VIT: variants seen among roughly 807,000 people sequenced by gnomAD.
VIT encodes the protein vitrin.
Under a neutral mutation model 78.0 loss-of-function variants are expected in VIT, and 99 were observed. That is an observed-to-expected ratio of 1.27 (90% CI 1.08 to 1.50). VIT has a LOEUF of 1.50. Ranked by LOEUF, VIT falls within the 40% of genes most tolerant of loss-of-function variation. VIT has a pLI of 0.00. For synonymous variants in VIT, 374 were observed against 334.3 expected (o/e 1.12, Z -1.29); for missense variants, 1,126 against 875.3 (o/e 1.29, Z -3.61).
chr2:36,731,966 G>A (rs1322207115), intron 3 of VIT, among the ~76,000 whole-genome samples: 1 of 152,178 alleles, frequency 6.6e-6, no homozygotes, highest in Non-Finnish European at 1.5e-5. Context: ...ATTTCCTGTT[G>A]AAATGAGACC....
chr2:36,783,268 T>C, intron 10 of VIT, 72 bp from the exon 11 acceptor site: 2 of 1,500,598 alleles, frequency 1.3e-6, no homozygotes, highest in Non-Finnish European at 1.8e-6. Context: ...ATCCATTATG[T>C]CCCCTCCCAT....
chr2:36,711,379 C>T (rs1488924025), intron 1 of VIT, among the ~76,000 whole-genome samples: 1 of 152,036 alleles, frequency 6.6e-6, no homozygotes, highest in African/African-American at 2.4e-5. Context: ...AAGAAAAGTC[C>T]ATTTTGCTTT....
intron 15 of VIT, among the ~76,000 whole-genome samples, chr2:36,812,597 T>A (rs1212268634): frequency 6.6e-6 from 1 of 152,052 alleles, no homozygotes; most frequent in Non-Finnish European, 1.5e-5. Flanking sequence ...GCAGTCTTAT[T>A]TTACTCCTTC....
intron 13 of VIT, among the ~76,000 whole-genome samples, chr2:36,802,297 G>A (rs1666389066): frequency 6.6e-6 from 1 of 152,124 alleles, no homozygotes; most frequent in African/African-American, 2.4e-5. Flanking sequence ...TGAAAGATTG[G>A]CTTTTTGGGC....
intron 4 of VIT, among the ~76,000 whole-genome samples, chr2:36,747,158 A>T (rs982757171): frequency 3.3e-5 from 5 of 152,130 alleles, no homozygotes; most frequent in African/African-American, 1.2e-4. Flanking sequence ...CTGTGTTCCA[A>T]GAGTATGATT....
intron 2 of VIT, among the ~76,000 whole-genome samples, chr2:36,726,057 A>G (rs962283758): frequency 6.7e-6 from 1 of 149,466 alleles, no homozygotes; most frequent in Non-Finnish European, 1.5e-5. Context: ...TGACAGAGCG[A>G]GACTCTGTCT....
chr2:36,797,357 A>C (rs1665977946), intron 12 of VIT, among the ~76,000 whole-genome samples: 1 of 152,224 alleles, frequency 6.6e-6, no homozygotes, highest in Non-Finnish European at 1.5e-5. Context: ...CCAGGTAGGA[A>C]ACTCTGGCAA....
At chr2:36,728,180 C>A (rs919006373) in intron 2 of VIT, among the ~76,000 whole-genome samples, 2 of 152,138 alleles carry the variant, frequency 1.3e-5, no homozygotes, top group African/African-American at 4.8e-5. Flanking sequence ...ATCCACCCAC[C>A]CCTGCCTCCC....
chr2:36,698,502 A>G (rs761314457), intron 1 of VIT, among the ~76,000 whole-genome samples: 3 of 152,218 alleles, frequency 2.0e-5, no homozygotes, highest in Non-Finnish European at 4.4e-5. Flanking sequence ...ATTACCTTGG[A>G]AAACATATAT....
At chr2:36,765,648 C>T (rs770292646) in intron 6 of VIT, among the ~76,000 whole-genome samples, 12 of 152,136 alleles carry the variant, frequency 7.9e-5, no homozygotes, top group East Asian at 1.9e-4. Flanking sequence ...CATATGACGA[C>T]GGAGCAGAGA....
At chr2:36,762,011 C>T (rs1178427720) in intron 6 of VIT, among the ~76,000 whole-genome samples, 1 of 152,170 alleles carries the variant, frequency 6.6e-6, no homozygotes, top group Non-Finnish European at 1.5e-5. Flanking sequence ...TCGGTATCAC[C>T]TTAAAGCAGG....
rs36123287 is a variant in VIT at position 36,809,990 on chromosome 2, C to CAA, written c.1903+1022_1903+1023dup. Among the ~76,000 whole-genome samples, 425 of 100,488 alleles carry CAA rather than the reference C, an allele frequency of 4.2e-3. 3 individuals carry two copies. The highest frequency in any genetic ancestry group is 0.022 in the East Asian group (74 of 3,372). 65.9% of individuals were successfully genotyped at this position (100,488 alleles called of 152,430 possible). A position where few individuals can be genotyped will look rare whatever the true frequency, so the allele number is the denominator to read the frequency against. ...TGGGCAACAGAGCAAGATCCTGTCT[C>CAA]AAAAAAAAAAAAAAAAAAGGGCCAG... On this transcript the variant is annotated intron_variant, in intron 15 of 15. Coordinates refer to ENST00000379242, the MANE Select transcript of VIT (RefSeq NM_053276.4).
At chr2:36,793,899 T>C (rs369276721) in intron 12 of VIT, among the ~76,000 whole-genome samples, 10 of 152,162 alleles carry the variant, frequency 6.6e-5, no homozygotes, top group African/African-American at 2.2e-4. Context: ...CCTTCTAGAA[T>C]CCAGAGCTTT....
intron 6 of VIT, among the ~76,000 whole-genome samples, chr2:36,765,435 A>AGAGAGGG (rs1553372934): frequency 1.5e-5 from 2 of 135,382 alleles, no homozygotes; most frequent in African/African-American, 5.5e-5. Context: ...GAGAGAGAGA[A>AGAGAGGG]AGAGAGAGAG....
intron 4 of VIT, among the ~76,000 whole-genome samples, chr2:36,753,129 T>A (rs1668562707): frequency 6.6e-6 from 1 of 151,996 alleles, no homozygotes; most frequent in Admixed American, 6.6e-5. Context: ...TACCGCATGT[T>A]CTCACTTATA....
chr2:36,795,160 T>C (rs1258597990), intron 12 of VIT, among the ~76,000 whole-genome samples: 1 of 152,162 alleles, frequency 6.6e-6, no homozygotes, highest in East Asian at 1.9e-4. Flanking sequence ...ATCCTCATGA[T>C]CTCTGGATTC....
intron 12 of VIT, among the ~76,000 whole-genome samples, chr2:36,798,500 T>C (rs1666071422): frequency 6.6e-6 from 1 of 152,220 alleles, no homozygotes; most frequent in Non-Finnish European, 1.5e-5. Flanking sequence ...CTCATGCCTG[T>C]AATCCCAGCA....
intron 1 of VIT, among the ~76,000 whole-genome samples, chr2:36,702,809 T>C (rs567451932): frequency 4.7e-4 from 72 of 152,264 alleles, no homozygotes; most frequent in African/African-American, 1.6e-3. Context: ...GAAGATACCC[T>C]CCCCTACTGC....
At chr2:36,773,766 T>A in intron 7 of VIT, 25 bp from the exon 8 acceptor site, 1 of 1,551,482 alleles carries the variant, frequency 6.4e-7, no homozygotes, top group Non-Finnish European at 8.7e-7. Flanking sequence ...AAATTCATGC[T>A]CTGACCAGTC....
Sources: gnomAD v4.1 joint callset for allele counts (sites outside exome capture counted in the v4.1 genomes callset) on GRCh38, gnomAD v4.1.1 for gene constraint, MANE v1.5 for transcripts, NCBI Gene and HGNC (gene_info 2026-07-23, HGNC 2026-07-21) for gene names.